The following AFG2A variants were observed in gnomAD, a reference collection of about 807,000 sequenced individuals.
The protein encoded by AFG2A is ATPase family gene 2 protein homolog A.
chr4:123,207,499 T>C, the AFG2A span, among the ~76,000 whole-genome samples: 1 of 152,024 alleles, frequency 6.6e-6, no homozygotes, highest in African/African-American at 2.4e-5. Context: ...TTAGTTTGTT[T>C]TGTTTTGGTA....
At chr4:122,928,736 C>T in the AFG2A span, among the ~76,000 whole-genome samples, 9 of 152,088 alleles carry the variant, frequency 5.9e-5, no homozygotes, top group Non-Finnish European at 1.2e-4. Context: ...CTGTTAATGC[C>T]TTTATCTTTT....
At chr4:123,142,442 A>AT in the AFG2A span, among the ~76,000 whole-genome samples, 1 of 152,314 alleles carries the variant, frequency 6.6e-6, no homozygotes, top group South Asian at 2.1e-4. Context: ...AATATATTTA[A>AT]TTTAGAAAGC....
chr4:123,115,844 A>C, the AFG2A span, among the ~76,000 whole-genome samples: 27 of 152,300 alleles, frequency 1.8e-4, no homozygotes, highest in Admixed American at 3.9e-4. Context: ...AAAAACATGG[A>C]TGTATAGATA....
chr4:123,063,927 G>A, the AFG2A span, among the ~76,000 whole-genome samples: 5 of 152,134 alleles, frequency 3.3e-5, no homozygotes, highest in Admixed American at 6.5e-5. Flanking sequence ...ATGAAGCAGA[G>A]GATTGCAGCC....
At chr4:123,178,010 G>A in the AFG2A span, among the ~76,000 whole-genome samples, 2 of 152,108 alleles carry the variant, frequency 1.3e-5, no homozygotes, top group Non-Finnish European at 2.9e-5. Context: ...CACTACATTA[G>A]TTTTATGTCA....
chr4:123,154,750 A>G, the AFG2A span, among the ~76,000 whole-genome samples: 4,390 of 152,300 alleles, frequency 0.029, 85 homozygotes, highest in Non-Finnish European at 0.036. Context: ...AAAAAAATAT[A>G]TTAAGAGAAA....
the AFG2A span, among the ~76,000 whole-genome samples, chr4:122,944,140 C>G: frequency 0.053 from 8,142 of 152,224 alleles, 526 homozygotes; most frequent in African/African-American, 0.16. Context: ...CGAGGAGTAT[C>G]TTTGTGGCGT....
chr4:123,133,966 G>A, the AFG2A span, among the ~76,000 whole-genome samples: 109 of 152,174 alleles, frequency 7.2e-4, no homozygotes, highest in African/African-American at 2.4e-3. Context: ...TTTTAATAGG[G>A]TTATGTGTTC....
the AFG2A span, among the ~76,000 whole-genome samples, chr4:123,017,506 C>T: frequency 1.5e-5 from 2 of 133,456 alleles, no homozygotes; most frequent in African/African-American, 5.8e-5. Context: ...TCTAAGAACA[C>T]ATTTTAACAG....
the AFG2A span, among the ~76,000 whole-genome samples, chr4:122,930,394 TACAA>T: frequency 0.053 from 8,102 of 152,222 alleles, 504 homozygotes; most frequent in African/African-American, 0.16. Flanking sequence ...ATGTGAGAAT[TACAA>T]ACCATTTTCT....
At chr4:122,979,428 A>G in the AFG2A span, 3 of 1,573,524 alleles carry the variant, frequency 1.9e-6, no homozygotes, top group Non-Finnish European at 1.7e-6. Context: ...TGTTTGAATT[A>G]AACTCTGAAA....
the AFG2A span, among the ~76,000 whole-genome samples, chr4:122,945,943 A>G: frequency 2.0e-5 from 3 of 152,220 alleles, no homozygotes; most frequent in African/African-American, 7.2e-5. Flanking sequence ...AGGCTGCCTG[A>G]CTAACTGGTT....
At chr4:123,176,646 G>A in the AFG2A span, among the ~76,000 whole-genome samples, 1 of 152,224 alleles carries the variant, frequency 6.6e-6, no homozygotes, top group South Asian at 2.1e-4. Flanking sequence ...GGGGTGAAAG[G>A]AAATATTAAA....
the AFG2A span, among the ~76,000 whole-genome samples, chr4:123,192,710 C>A: frequency 2.6e-5 from 4 of 152,150 alleles, no homozygotes; most frequent in African/African-American, 9.7e-5. Flanking sequence ...TAGCTTCTCT[C>A]CCCCTGTGGC....
the AFG2A span, among the ~76,000 whole-genome samples, chr4:122,964,579 T>C: frequency 5.3e-5 from 8 of 152,032 alleles, no homozygotes; most frequent in South Asian, 1.7e-3. Flanking sequence ...GATAATTTAG[T>C]ACATTCCCTT....
the AFG2A span, among the ~76,000 whole-genome samples, chr4:122,984,170 C>T: frequency 1.3e-5 from 2 of 152,168 alleles, no homozygotes; most frequent in South Asian, 2.1e-4. Context: ...AGAGGTCTTT[C>T]GACTCCTTGG....
the AFG2A span, among the ~76,000 whole-genome samples, chr4:123,192,309 G>A: frequency 6.6e-6 from 1 of 152,086 alleles, no homozygotes; most frequent in Non-Finnish European, 1.5e-5. Context: ...TTACAGGTGT[G>A]AGCCACCACC....
the AFG2A span, among the ~76,000 whole-genome samples, chr4:123,214,609 A>G: frequency 1.3e-5 from 2 of 152,044 alleles, no homozygotes; most frequent in African/African-American, 4.8e-5. Flanking sequence ...AATGTCATGA[A>G]TGTATTAAAT....
At chr4:123,109,120 G>C in the AFG2A span, among the ~76,000 whole-genome samples, 1 of 152,144 alleles carries the variant, frequency 6.6e-6, no homozygotes, top group African/African-American at 2.4e-5. Flanking sequence ...GAGGAGGGTA[G>C]AGGGAGGTTG....
Sources: allele counts gnomAD v4.1 joint callset (sites outside exome capture counted in the v4.1 genomes callset), GRCh38; gene constraint gnomAD v4.1.1; transcripts MANE v1.5; gene names NCBI Gene and HGNC (gene_info 2026-07-23, HGNC 2026-07-21).